FARP1: variants seen among roughly 807,000 people sequenced by gnomAD.
FARP1 encodes FERM, ARHGEF and pleckstrin domain-containing protein 1.
FARP1 carries 52 observed loss-of-function variants against 128.8 expected under a neutral mutation model. The observed-to-expected ratio is 0.40, with a 90% confidence interval of 0.32 to 0.51. FARP1 has a LOEUF of 0.51. Ranked by LOEUF, FARP1 falls within the 20% of genes least tolerant of loss-of-function variation. The probability of loss-of-function intolerance (pLI) is 0.45; values close to 1 mark genes in which losing one functional copy is unlikely to be tolerated. For synonymous variants in FARP1, 580 were observed against 551.8 expected (o/e 1.05, Z -0.72); for missense variants, 1,333 against 1,367.9 (o/e 0.97, Z 0.40).
Position 98,176,042 on chromosome 13 carries a change from G to A in FARP1, c.-24+32550G>A, listed in dbSNP as rs1877988311. On this transcript the variant is annotated intron_variant, in intron 1 of 26. Transcript: ENST00000319562. This position sits in a 1 kb window ranked among gnomAD's most constrained non-coding sequence, Gnocchi z 6.2. ...CATGGGAGTGCACATACCTCTTTGA[G>A]ATCCGGATTTCAATTCTTTTGGTTA... 7 of 921,960 alleles carry A rather than the reference G, an allele frequency of 7.6e-6. No individual in the cohort carries two copies. Among genetic ancestry groups the A allele is most frequent in the African/African-American group, 5.0e-5 (3 of 60,466 alleles). 57.1% of individuals were successfully genotyped at this position (921,960 alleles called of 1,614,324 possible).
chr13:98,246,293 C>T (rs1284538860), intron 2 of FARP1, among the ~76,000 whole-genome samples: 2 of 141,964 alleles, frequency 1.4e-5, no homozygotes, highest in East Asian at 4.3e-4. Context: ...GACGGGGTTT[C>T]ACCGTGTTAG....
At chr13:98,264,351 T>C (rs74639666) in intron 2 of FARP1, among the ~76,000 whole-genome samples, 10,551 of 152,280 alleles carry the variant, frequency 0.069, 557 homozygotes, top group African/African-American at 0.14. Flanking sequence ...CATGCCATTC[T>C]GAGCAGCGTG....
rs529190082 is a variant in FARP1, at chr13:98,253,142, C to T, written c.171+39729C>T. Among the ~76,000 whole-genome samples, 17 of 152,238 alleles carry T rather than the reference C, an allele frequency of 1.1e-4. 1 individual carries two copies. The South Asian group carries it at 3.5e-3, about 32-fold the overall frequency. On this transcript the variant is annotated intron_variant, in intron 2 of 26. Coordinates refer to ENST00000319562, the MANE Select transcript of FARP1 (RefSeq NM_005766.4). Reference sequence around the variant, plus strand: ...CAATGTTCAAGCCAAGTTTGTCCAGCAAGGAAAAATGTTAAGTTTCTGATC... The same window carrying T: ...CAATGTTCAAGCCAAGTTTGTCCAGTAAGGAAAAATGTTAAGTTTCTGATC...
In FARP1 at chr13:98,448,492, T is replaced by C; in HGVS notation, c.*175T>C. Reference sequence around the variant, plus strand: ...TAACCCCGACCTCTCAGCGTCTGAATGAACAGCGCTCCCACCTCCAGTCCT... The same window carrying C: ...TAACCCCGACCTCTCAGCGTCTGAACGAACAGCGCTCCCACCTCCAGTCCT... On this transcript the variant is annotated 3_prime_UTR_variant, in exon 27 of 27. Coordinates refer to ENST00000319562, the MANE Select transcript of FARP1 (RefSeq NM_005766.4). 1.7e-6 allele frequency: 1 copy of C among 600,162 alleles called. No individual in the cohort carries two copies. The highest frequency in any genetic ancestry group is 2.9e-5 in the Admixed American group (1 of 34,762). The allele number at this position is 600,162 out of a possible 1,614,324, so 37.2% of individuals were successfully genotyped here.
chr13:98,441,213 G>GC (rs1216289491), intron 24 of FARP1, among the ~76,000 whole-genome samples: 2 of 152,192 alleles, frequency 1.3e-5, no homozygotes, highest in East Asian at 1.9e-4. Flanking sequence ...GTCCTGAACC[G>GC]CCCCACGGGA....
intron 13 of FARP1, chr13:98,397,943 T>C (rs1368441989): frequency 2.9e-5 from 4 of 136,850 alleles, no homozygotes; most frequent in Non-Finnish European, 6.3e-5. Flanking sequence ...ATAAAATTTT[T>C]AGATCCTAAG....
intron 2 of FARP1, among the ~76,000 whole-genome samples, chr13:98,267,546 C>G (rs901055812): frequency 6.6e-6 from 1 of 152,182 alleles, no homozygotes; most frequent in Non-Finnish European, 1.5e-5. Context: ...TGATGAGGCC[C>G]GTGGATCCTT....
intron 1 of FARP1, among the ~76,000 whole-genome samples, chr13:98,207,978 A>G (rs886541916): frequency 4.4e-5 from 6 of 137,718 alleles, no homozygotes; most frequent in Admixed American, 3.8e-4. Flanking sequence ...ACTTTGATTC[A>G]TTGGCCCAGT....
chr13:98,430,291 G>C (rs1891961196), intron 17 of FARP1, among the ~76,000 whole-genome samples: 1 of 152,196 alleles, frequency 6.6e-6, no homozygotes, highest in African/African-American at 2.4e-5. Flanking sequence ...CCAGCACATA[G>C]AGAGCAAGCC....
intron 13 of FARP1, chr13:98,403,816 G>A (rs1890867907): frequency 6.6e-6 from 1 of 152,196 alleles, no homozygotes; most frequent in African/African-American, 2.4e-5. Flanking sequence ...TGTATGCACG[G>A]TATTAATATA....
chr13:98,255,123 C>A (rs1394742179), intron 2 of FARP1, among the ~76,000 whole-genome samples: 1 of 152,072 alleles, frequency 6.6e-6, no homozygotes, highest in Non-Finnish European at 1.5e-5. Context: ...CCTTTGGCCA[C>A]CTTCAGATAA....
chr13:98,393,806 C>A, intron 12 of FARP1, 88 bp downstream of exon 12: 1 of 960,116 alleles, frequency 1.0e-6, no homozygotes, highest in Non-Finnish European at 1.7e-6. Context: ...CTTTCTTGTT[C>A]TCTGTCCTTT....
At chr13:98,200,396 C>CCCCCCCCCCCCCCCCCCGG (rs1555327094) in intron 1 of FARP1, among the ~76,000 whole-genome samples, 1 of 147,042 alleles carries the variant, frequency 6.8e-6, no homozygotes, top group African/African-American at 2.6e-5. Flanking sequence ...CACCCCCCCC[C>CCCCCCCCCCCCCCCCCCGG]CCTCCCCTTT....
intron 1 of FARP1, among the ~76,000 whole-genome samples, chr13:98,181,168 C>T (rs1329969240): frequency 6.6e-6 from 1 of 152,132 alleles, no homozygotes; most frequent in Non-Finnish European, 1.5e-5. Flanking sequence ...GCACTTCTCC[C>T]TGCTGGTTTA....
chr13:98,185,434 T>C (rs1354653937), intron 1 of FARP1, among the ~76,000 whole-genome samples: 1 of 152,118 alleles, frequency 6.6e-6, no homozygotes, highest in Non-Finnish European at 1.5e-5. Context: ...GATCTTTATG[T>C]TGGGGGGGCT....
chr13:98,189,733 A>G (rs1176712688), intron 1 of FARP1, among the ~76,000 whole-genome samples: 1 of 152,234 alleles, frequency 6.6e-6, no homozygotes, highest in African/African-American at 2.4e-5. Flanking sequence ...AGTTTGAGGC[A>G]TAATGTAATA....
intron 13 of FARP1, chr13:98,403,004 C>G (rs187069481): frequency 6.6e-6 from 1 of 151,870 alleles, no homozygotes; most frequent in South Asian, 2.1e-4. Context: ...TAGGAGAAAA[C>G]GCTTTGTTTT....
At chr13:98,279,985 C>T (rs1884854069) in intron 2 of FARP1, among the ~76,000 whole-genome samples, 1 of 152,104 alleles carries the variant, frequency 6.6e-6, no homozygotes, top group South Asian at 2.1e-4. Flanking sequence ...CTCTCCCTTG[C>T]TCCTGGCTCC....
chr13:98,164,851 G>A (rs1244158317), intron 1 of FARP1, among the ~76,000 whole-genome samples: 10 of 152,064 alleles, frequency 6.6e-5, no homozygotes, highest in Non-Finnish European at 1.3e-4. Context: ...AGGCCGAGGC[G>A]GGTGGATCAC....
Sources: gnomAD v4.1 joint callset for allele counts (sites outside exome capture counted in the v4.1 genomes callset) on GRCh38, gnomAD v4.1.1 for gene constraint, Gnocchi (gnomAD v3.1) non-coding constraint, MANE v1.5 for transcripts, NCBI Gene and HGNC (gene_info 2026-07-23, HGNC 2026-07-21) for gene names.